The following DNER variants were observed in gnomAD, a reference collection of about 807,000 sequenced individuals.
DNER encodes delta/notch like EGF repeat containing.
DNER carries 33 observed loss-of-function variants against 78.2 expected under a neutral mutation model. The observed-to-expected ratio is 0.42, with a 90% CI of 0.32 to 0.56. The LOEUF (loss-of-function observed/expected upper bound fraction) is 0.56, where lower values mean the gene tolerates loss of function less well. Among genes scored for constraint, DNER ranks in the 20% least tolerant of loss-of-function variants. DNER has a pLI of 0.11. For synonymous variants in DNER, 417 were observed against 384.8 expected, an observed-to-expected ratio of 1.08 and a Z score of -0.98; for missense variants, 918 against 975.3, an observed-to-expected ratio of 0.94 and a Z score of 0.78.
intron 10 of DNER, 109 bp downstream of exon 10, chr2:229,407,123 T>A (rs1693404896): frequency 1.1e-6 from 1 of 906,424 alleles, no homozygotes; most frequent in Admixed American, 2.1e-5. Flanking sequence ...TTTGTAATGG[T>A]GTTTATATTT....
rs1255296881 is a variant in DNER at position 229,591,002 on chromosome 2, T to C, written c.585+578A>G. Among the ~76,000 whole-genome samples the C allele has an allele frequency of 2.0e-5, 3 of 152,156 alleles. No homozygotes were observed. The East Asian group carries it at 5.8e-4, about 29-fold the overall frequency. ...CACTCTTGCCATGTGACACACTGGC[T>C]CCCCTTTGCCTTCCGCCATGATTGT... On this transcript the variant is annotated intron_variant, in intron 2 of 12. Coordinates refer to ENST00000341772, the MANE Select transcript of DNER (RefSeq NM_139072.4). This position sits in a 1 kb window ranked among gnomAD's most constrained non-coding sequence, Gnocchi z 4.6.
chr2:229,366,905 G>A lies in DNER; in HGVS notation c.2070C>T (p.Phe690=), dbSNP rs1356601391. ...GCCGGATGGATGCAATGGCATTGCT[G>A]AACTCGCTGTCGATGCTGCGGCAGT... ...FYNCRSIDSE[F]SNAIASIRHA... The change falls in exon 12 of 13, where the codon TTC becomes TTT. Residue 690 remains phenylalanine, a synonymous_variant. Transcript: ENST00000341772. The A allele has an allele frequency of 6.2e-7, 1 of 1,614,204 alleles. No homozygotes were observed. Among genetic ancestry groups the A allele is most frequent in the Admixed American group, 1.7e-5 (1 of 60,024 alleles).
At chr2:229,391,664 C>A (rs1693018936) in intron 10 of DNER, among the ~76,000 whole-genome samples, 1 of 152,190 alleles carries the variant, frequency 6.6e-6, no homozygotes, top group African/African-American at 2.4e-5. Context: ...GCCTCAGCCT[C>A]CCCAGTAGCT....
At chr2:229,383,541 G>A (rs763519348) in intron 11 of DNER, among the ~76,000 whole-genome samples, 2 of 152,038 alleles carry the variant, frequency 1.3e-5, no homozygotes. Context: ...ACACACATAG[G>A]CTCAAAATAA....
At chr2:229,548,616 A>G (rs2154213269) in intron 4 of DNER, among the ~76,000 whole-genome samples, 1 of 152,262 alleles carries the variant, frequency 6.6e-6, no homozygotes, top group South Asian at 2.1e-4. Context: ...TAGGGGAGGG[A>G]CAGCATTAGG....
chr2:229,475,451 C>CT (rs144883481), intron 7 of DNER, among the ~76,000 whole-genome samples: 18,832 of 152,190 alleles, frequency 0.12, 1,321 homozygotes, highest in East Asian at 0.22. Flanking sequence ...ATGGGAGTCT[C>CT]TCCCAGCTCT....
intron 6 of DNER, among the ~76,000 whole-genome samples, chr2:229,499,012 T>C (rs560613396): frequency 1.1e-3 from 172 of 152,256 alleles, no homozygotes; most frequent in Non-Finnish European, 1.1e-3. Flanking sequence ...TTTCAAAATA[T>C]ACTACAAAAC....
Position 229,418,090 on chromosome 2 carries a change from G to A in DNER, c.1609+18C>T, listed in dbSNP as rs775352986. ...ATTTAGAGCCATTCTGGCACAGGAAGGCCAGGCGGCCTCTCACCTTTGTAT... is the reference window on the plus strand; with the variant it reads ...ATTTAGAGCCATTCTGGCACAGGAAAGCCAGGCGGCCTCTCACCTTTGTAT... On this transcript the variant is annotated intron_variant, in intron 9 of 12. Transcript: ENST00000341772. The A allele has an allele frequency of 1.7e-5, 27 of 1,614,014 alleles. 1 individual carries two copies. In the Admixed American group the frequency reaches 2.5e-4, roughly 15 times the overall value.
intron 6 of DNER, among the ~76,000 whole-genome samples, chr2:229,492,312 T>C (rs1379735729): frequency 6.6e-6 from 1 of 152,214 alleles, no homozygotes; most frequent in Admixed American, 6.5e-5. Context: ...AGCCCTGACG[T>C]ACCATGTCTC....
At chr2:229,443,503 G>C (rs1225081103) in intron 8 of DNER, among the ~76,000 whole-genome samples, 1 of 152,188 alleles carries the variant, frequency 6.6e-6, no homozygotes, top group Non-Finnish European at 1.5e-5. Context: ...TAACATTTCA[G>C]TAATTACTCA....
At chr2:229,663,453 T>C (rs1204965842) in intron 1 of DNER, among the ~76,000 whole-genome samples, 1 of 152,224 alleles carries the variant, frequency 6.6e-6, no homozygotes, top group Non-Finnish European at 1.5e-5. Context: ...CGAAGTGATT[T>C]CCGTGTCGCA....
rs1030153396 is a variant in DNER at position 229,357,793 on chromosome 2, C to T, written c.*747G>A. ...ACCAGTACTCTCTTACATTTACTACCTCTTAGCAACAAACAACTCAAATGT... is the reference window on the plus strand; with the variant it reads ...ACCAGTACTCTCTTACATTTACTACTTCTTAGCAACAAACAACTCAAATGT... On this transcript the variant is annotated 3_prime_UTR_variant, in exon 13 of 13. Transcript: ENST00000341772. 1.3e-5 allele frequency: 2 copies of T among 152,200 alleles called. No homozygotes were observed. The highest frequency in any genetic ancestry group is 2.1e-4 in the South Asian group (1 of 4,836). The allele number at this position is 152,200 out of a possible 1,614,324, so 9.4% of individuals were successfully genotyped here.
intron 10 of DNER, among the ~76,000 whole-genome samples, chr2:229,398,424 G>C (rs1176615453): frequency 6.6e-6 from 1 of 152,006 alleles, no homozygotes. Flanking sequence ...ACTATTTAAA[G>C]AAGAATTAAT....
chr2:229,590,732 T>C (rs78663002), intron 2 of DNER, among the ~76,000 whole-genome samples: 2,356 of 152,354 alleles, frequency 0.015, 61 homozygotes, highest in African/African-American at 0.053. Context: ...TGAATCTGCC[T>C]TGATCGTGGA....
chr2:229,530,226 C>G (rs1186349233), intron 5 of DNER, among the ~76,000 whole-genome samples: 1 of 152,190 alleles, frequency 6.6e-6, no homozygotes, highest in Non-Finnish European at 1.5e-5. Flanking sequence ...TTATTCTGTT[C>G]ATATACTTCA....
chr2:229,372,683 C>T (rs1692512453), intron 11 of DNER, among the ~76,000 whole-genome samples: 1 of 152,102 alleles, frequency 6.6e-6, no homozygotes, highest in Non-Finnish European at 1.5e-5. Context: ...TTGAAAAGAT[C>T]CTTCTGGCTG....
intron 1 of DNER, among the ~76,000 whole-genome samples, chr2:229,615,877 G>C (rs1459904648): frequency 6.6e-5 from 10 of 152,138 alleles, no homozygotes; most frequent in African/African-American, 2.2e-4. Context: ...AAGAGTCTGG[G>C]TTTCTGAGGG....
rs115457772 is a variant in DNER, at chr2:229,691,677, T to G, written c.276+22471A>C. On this transcript the variant is annotated intron_variant, in intron 1 of 12. Transcript: ENST00000341772. ...ATAAAATACAAAATCTATAGGCTATTTGCTAAAGAGACACTTTAAATATAA... is the reference window on the plus strand; with the variant it reads ...ATAAAATACAAAATCTATAGGCTATGTGCTAAAGAGACACTTTAAATATAA... Among the ~76,000 whole-genome samples the G allele has an allele frequency of 2.5e-3, 375 of 152,154 alleles. 3 individuals carry two copies. Among genetic ancestry groups the G allele is most frequent in the African/African-American group, 8.6e-3 (358 of 41,532 alleles).
intron 7 of DNER, among the ~76,000 whole-genome samples, chr2:229,462,991 C>T (rs1296273535): frequency 6.6e-6 from 1 of 152,134 alleles, no homozygotes; most frequent in Admixed American, 6.5e-5. Context: ...CTCCTGATCG[C>T]CTCATCCTAG....
Sources: gnomAD v4.1 joint callset for allele counts (sites outside exome capture counted in the v4.1 genomes callset) on GRCh38, gnomAD v4.1.1 for gene constraint, Gnocchi (gnomAD v3.1) non-coding constraint, MANE v1.5 for transcripts, NCBI Gene and HGNC (gene_info 2026-07-23, HGNC 2026-07-21) for gene names.